The following DIS3L2 variants were observed in gnomAD, a reference collection of about 807,000 sequenced individuals.
DIS3L2 encodes the protein DIS3-like exonuclease 2.
A neutral mutation model predicts 97.5 loss-of-function variants in DIS3L2; 34 were observed. The observed-to-expected ratio is 0.35, with a 90% confidence interval of 0.27 to 0.46. The LOEUF (loss-of-function observed/expected upper bound fraction) is 0.46. Among genes scored for constraint, DIS3L2 ranks in the 20% least tolerant of loss-of-function variants. The pLI is 1.00. For missense variants in DIS3L2, 1,038 were observed against 1,146.0 expected, an observed-to-expected ratio of 0.91 and a Z score of 1.36; for synonymous variants, 435 against 445.2, an observed-to-expected ratio of 0.98 and a Z score of 0.29.
intron 13 of DIS3L2, among the ~76,000 whole-genome samples, chr2:232,277,823 A>G (rs1244183673): frequency 1.3e-5 from 2 of 152,198 alleles, no homozygotes; most frequent in South Asian, 2.1e-4. Context: ...TGTGGTTTAC[A>G]CAGTTGCTGC....
rs11301026 is a variant in DIS3L2 at position 232,019,557 on chromosome 2, C to CT, written c.210+3902dup. 1.3e-4 allele frequency among the ~76,000 whole-genome samples: 18 copies of CT among 139,756 alleles called. 1 individual carries two copies. The South Asian group carries it at 1.7e-3, about 13-fold the overall frequency. 91.7% of individuals were successfully genotyped at this position (139,756 alleles called of 152,430 possible). ...ACAGAGTGAGACCCTGTCTCTCTCT[C>CT]TTTTTTTTTTTTTTTTAAAGAGTAA... On this transcript the variant is annotated intron_variant, in intron 3 of 20. Transcript: ENST00000325385.
chr2:232,145,339 T>C (rs1363691951), intron 8 of DIS3L2, among the ~76,000 whole-genome samples: 1 of 152,176 alleles, frequency 6.6e-6, no homozygotes, highest in East Asian at 1.9e-4. Flanking sequence ...AGAATTACAG[T>C]TAATTTTTAT....
chr2:231,999,511 C>G (rs1352834567), intron 1 of DIS3L2, among the ~76,000 whole-genome samples: 1 of 152,188 alleles, frequency 6.6e-6, no homozygotes, highest in Non-Finnish European at 1.5e-5. Context: ...CATTTCGATT[C>G]TAGCCTTTCC....
At chr2:232,160,340 C>T (rs1690612880) in intron 8 of DIS3L2, among the ~76,000 whole-genome samples, 1 of 152,112 alleles carries the variant, frequency 6.6e-6, no homozygotes, top group African/African-American at 2.4e-5. Context: ...TAGGAATATT[C>T]AAGTATCAAT....
At chr2:232,125,398 A>C (rs1432599838) in intron 6 of DIS3L2, among the ~76,000 whole-genome samples, 2 of 152,166 alleles carry the variant, frequency 1.3e-5, no homozygotes, top group African/African-American at 2.4e-5. Context: ...TAATATCTTG[A>C]TACAGGTTTT....
At chr2:232,116,640 T>C (rs1236371652) in intron 6 of DIS3L2, among the ~76,000 whole-genome samples, 1 of 152,160 alleles carries the variant, frequency 6.6e-6, no homozygotes, top group Non-Finnish European at 1.5e-5. Context: ...TAAAAAGCTA[T>C]TGAAGAGTCT....
chr2:232,183,397 G>A (rs1440107590), intron 9 of DIS3L2, among the ~76,000 whole-genome samples: 1 of 152,190 alleles, frequency 6.6e-6, no homozygotes, highest in African/African-American at 2.4e-5. Flanking sequence ...AAGTCTCTTA[G>A]CGTTTGTTAA....
At chr2:231,979,353 C>CCTCTGCCTTTATTGGAAAAGTTATTTG (rs1693186112) in intron 1 of DIS3L2, among the ~76,000 whole-genome samples, 1 of 152,046 alleles carries the variant, frequency 6.6e-6, no homozygotes, top group African/African-American at 2.4e-5. Flanking sequence ...CTCCTGGGCT[C>CCTCTGCCTTTATTGGAAAAGTTATTTG]AGGTGATCCC....
chr2:232,334,624 C>G lies in DIS3L2; in HGVS notation c.2290-7C>G, dbSNP rs775753096. 1 of 1,605,202 alleles carries G rather than the reference C, an allele frequency of 6.2e-7. No homozygotes were observed. Among genetic ancestry groups the G allele is most frequent in the Non-Finnish European group, 8.5e-7 (1 of 1,176,306 alleles). ...GAGGTGCCATGGCTGCAGCACTGTC[C>G]CTGCAGGAGAGTGGCCCCCTGGAGT... On this transcript the variant is annotated splice_polypyrimidine_tract_variant and splice_region_variant and intron_variant, in intron 18 of 20. Coordinates refer to ENST00000325385, the MANE Select transcript of DIS3L2 (RefSeq NM_152383.5).
intron 1 of DIS3L2, among the ~76,000 whole-genome samples, chr2:231,987,717 C>G (rs1428357673): frequency 1.3e-5 from 2 of 152,164 alleles, no homozygotes; most frequent in Non-Finnish European, 2.9e-5. Flanking sequence ...CCATGAGAAG[C>G]AGGGATTACA....
chr2:232,189,133 C>A (rs72992333), intron 9 of DIS3L2, among the ~76,000 whole-genome samples: 1 of 152,108 alleles, frequency 6.6e-6, no homozygotes, highest in Non-Finnish European at 1.5e-5. Context: ...CAAACGTTGC[C>A]GGTGGAAATG....
At chr2:232,306,371 T>A (rs1694985577) in intron 14 of DIS3L2, among the ~76,000 whole-genome samples, 1 of 152,232 alleles carries the variant, frequency 6.6e-6, no homozygotes, top group Non-Finnish European at 1.5e-5. Flanking sequence ...GCCTCCTGCA[T>A]GCATTAAAAT....
At chr2:232,232,589 C>G (rs937210231) in intron 10 of DIS3L2, among the ~76,000 whole-genome samples, 1 of 152,066 alleles carries the variant, frequency 6.6e-6, no homozygotes, top group African/African-American at 2.4e-5. Flanking sequence ...ATGGGTATCA[C>G]TTTTGGTTTA....
At chr2:232,103,509 T>G (rs1298459957) in intron 6 of DIS3L2, among the ~76,000 whole-genome samples, 1 of 152,218 alleles carries the variant, frequency 6.6e-6, no homozygotes, top group African/African-American at 2.4e-5. Flanking sequence ...CATATAATAT[T>G]GAATAATTCT....
At chr2:232,135,911 C>T (rs1240051613) in intron 7 of DIS3L2, among the ~76,000 whole-genome samples, 3 of 152,102 alleles carry the variant, frequency 2.0e-5, no homozygotes, top group Non-Finnish European at 4.4e-5. Context: ...TCAGAGAATA[C>T]TTCTCTCTTG....
At chr2:232,261,475 A>G (rs1175239816) in intron 12 of DIS3L2, among the ~76,000 whole-genome samples, 1 of 152,046 alleles carries the variant, frequency 6.6e-6, no homozygotes, top group Non-Finnish European at 1.5e-5. Flanking sequence ...GGTGCTTCCC[A>G]GGTTTTTTCA....
intron 14 of DIS3L2, among the ~76,000 whole-genome samples, chr2:232,321,663 C>CA (rs1695440369): frequency 1.3e-5 from 2 of 152,324 alleles, no homozygotes; most frequent in South Asian, 2.1e-4. Context: ...CTGGGCGACT[C>CA]AGACAGGAAA....
chr2:232,157,696 G>A (rs1048198202), intron 8 of DIS3L2, among the ~76,000 whole-genome samples: 2 of 152,168 alleles, frequency 1.3e-5, no homozygotes, highest in African/African-American at 2.4e-5. Context: ...AAGTAGTTGG[G>A]GGTCCTCCTG....
intron 6 of DIS3L2, among the ~76,000 whole-genome samples, chr2:232,090,127 C>T (rs1231256144): frequency 1.3e-5 from 2 of 152,016 alleles, no homozygotes; most frequent in Non-Finnish European, 2.9e-5. Flanking sequence ...TTTTTTAATA[C>T]AGCCCTGTTG....
Sources: allele counts gnomAD v4.1 joint callset (sites outside exome capture counted in the v4.1 genomes callset), GRCh38; gene constraint gnomAD v4.1.1; transcripts MANE v1.5; gene names NCBI Gene and HGNC (gene_info 2026-07-23, HGNC 2026-07-21).